The following ITGB6 variants were observed in gnomAD, a reference collection of about 807,000 sequenced individuals.
ITGB6 encodes the protein integrin subunit beta 6, also known as integrin beta-6.
Under a neutral mutation model 84.5 loss-of-function variants are expected in ITGB6, and 80 were observed. The observed-to-expected ratio is 0.95, with a 90% CI of 0.79 to 1.14. The LOEUF (loss-of-function observed/expected upper bound fraction) is 1.14, where lower values mean the gene tolerates loss of function less well. Among genes scored for constraint, ITGB6 ranks in the 50% most tolerant of loss-of-function variants. ITGB6 has a pLI of 0.00. For synonymous variants in ITGB6, 383 were observed against 354.9 expected (o/e 1.08, Z -0.89); for missense variants, 1,006 against 968.0 (o/e 1.04, Z -0.52).
chr2:160,181,577 C>T (rs774424828), intron 4 of ITGB6, among the ~76,000 whole-genome samples: 2 of 152,232 alleles, frequency 1.3e-5, no homozygotes, highest in African/African-American at 4.8e-5. Flanking sequence ...CAGACTTAAA[C>T]GTCCCTGCCT....
rs1696724308 is a variant in ITGB6 at position 160,101,674 on chromosome 2, A to G, written c.*62T>C. The G allele has an allele frequency of 1.1e-6, 1 of 947,144 alleles. No homozygotes were observed. Among genetic ancestry groups the G allele is most frequent in the South Asian group, 1.4e-5 (1 of 72,968 alleles). 58.7% of individuals were successfully genotyped at this position (947,144 alleles called of 1,614,324 possible). ...ATTTTGAAGCAACAAAGAGAAAAAAATTAAATAGTGCATTAACATTTCATA... is the reference window on the plus strand; with the variant it reads ...ATTTTGAAGCAACAAAGAGAAAAAAGTTAAATAGTGCATTAACATTTCATA... On this transcript the variant is annotated 3_prime_UTR_variant, in exon 15 of 15. Coordinates refer to ENST00000283249, the MANE Select transcript of ITGB6 (RefSeq NM_000888.5).
intron 7 of ITGB6, among the ~76,000 whole-genome samples, chr2:160,150,894 A>G (rs555661427): frequency 6.6e-6 from 1 of 152,374 alleles, no homozygotes; most frequent in South Asian, 2.1e-4. Context: ...CAATTCAACA[A>G]GAAGAGCTAA....
chr2:160,139,152 A>G (rs1293666063), intron 8 of ITGB6, among the ~76,000 whole-genome samples: 1 of 152,206 alleles, frequency 6.6e-6, no homozygotes, highest in African/African-American at 2.4e-5. Context: ...TTATAAAATG[A>G]AAGTCTGTAT....
At chr2:160,163,564 G>A (rs1441432495) in intron 7 of ITGB6, among the ~76,000 whole-genome samples, 2 of 151,826 alleles carry the variant, frequency 1.3e-5, no homozygotes, top group Non-Finnish European at 2.9e-5. Flanking sequence ...TCCAGGAGGC[G>A]AAGGTTGCAG....
intron 4 of ITGB6, among the ~76,000 whole-genome samples, chr2:160,182,108 G>A (rs778063527): frequency 4.3e-4 from 66 of 152,058 alleles, no homozygotes; most frequent in Non-Finnish European, 7.6e-4. Flanking sequence ...ACAACTCCTC[G>A]CCAGCAAGAG....
intron 13 of ITGB6, 34 bp downstream of exon 13, chr2:160,112,046 A>G: frequency 6.2e-7 from 1 of 1,607,076 alleles, no homozygotes; most frequent in Non-Finnish European, 8.5e-7. Flanking sequence ...GTGTAGTATC[A>G]TTTGCCATCG....
chr2:160,199,299 T>C, intron 1 of ITGB6, 41 bp from the exon 2 acceptor site: 1 of 1,465,054 alleles, frequency 6.8e-7, no homozygotes, highest in Non-Finnish European at 9.6e-7. Flanking sequence ...TAAGTACACT[T>C]TCAGTCATTC....
chr2:160,155,772 C>A (rs1684602275), intron 7 of ITGB6, among the ~76,000 whole-genome samples: 1 of 152,108 alleles, frequency 6.6e-6, no homozygotes, highest in Non-Finnish European at 1.5e-5. Context: ...TACATATCAA[C>A]AAGAAGAAGA....
At chr2:160,143,063 A>G (rs1313939448) in intron 7 of ITGB6, among the ~76,000 whole-genome samples, 1 of 152,176 alleles carries the variant, frequency 6.6e-6, no homozygotes, top group Non-Finnish European at 1.5e-5. Context: ...CAAGGCAGGC[A>G]GATCATTTGG....
chr2:160,101,603 G>T lies in ITGB6; in HGVS notation c.*133C>A. The T allele has an allele frequency of 1.5e-6, 1 of 663,256 alleles. No individual in the cohort carries two copies. The highest frequency in any genetic ancestry group is 1.8e-5 in the African/African-American group (1 of 54,378). The allele number at this position is 663,256 out of a possible 1,614,324, so 41.1% of individuals were successfully genotyped here. ...CAACAGTCTGTCACCTTCATGTAGA[G>T]GATGACTTATCTGCAGATGTCCTAT... On this transcript the variant is annotated 3_prime_UTR_variant, in exon 15 of 15. Coordinates refer to ENST00000283249, the MANE Select transcript of ITGB6 (RefSeq NM_000888.5).
chr2:160,183,359 A>G (rs1266874175), intron 4 of ITGB6, among the ~76,000 whole-genome samples: 1 of 152,200 alleles, frequency 6.6e-6, no homozygotes, highest in Non-Finnish European at 1.5e-5. Context: ...GATAAAACAG[A>G]CTTTAAACCA....
rs540715652 is a variant in ITGB6, at chr2:160,117,480, C to T, written c.1982-5281G>A. On this transcript the variant is annotated intron_variant, in intron 12 of 14. Coordinates refer to ENST00000283249, the MANE Select transcript of ITGB6 (RefSeq NM_000888.5). ...TTTGAAACCAGCGAGAACAAAGAAA[C>T]AACATACCAGAATCTCTGGGACACA... 2.7e-3 allele frequency among the ~76,000 whole-genome samples: 409 copies of T among 152,140 alleles called. 1 individual carries two copies. The highest frequency in any genetic ancestry group is 4.2e-3 in the Non-Finnish European group (284 of 67,992).
intron 4 of ITGB6, among the ~76,000 whole-genome samples, 163 bp downstream of exon 4, chr2:160,195,206 C>T (rs781044288): frequency 4.6e-5 from 7 of 152,208 alleles, no homozygotes; most frequent in Admixed American, 6.5e-5. Context: ...GATGACCTCA[C>T]CTCCACTCTA....
At position 160,149,345 on chromosome 2, in the gene ITGB6, A is replaced by G. The variant is rs368544053; in HGVS notation, c.1018-7274T>C. Among the ~76,000 whole-genome samples the G allele has an allele frequency of 1.0e-3, 159 of 152,286 alleles. 7 individuals are homozygous for G. The South Asian group carries it at 0.032, about 31-fold the overall frequency. Reference sequence around the variant, plus strand: ...GAGTGGAACTCCAGCAAACTCCAACACACCTGCAGCTGAGGGACATGACTG... The same window carrying G: ...GAGTGGAACTCCAGCAAACTCCAACGCACCTGCAGCTGAGGGACATGACTG... On this transcript the variant is annotated intron_variant, in intron 7 of 14. Coordinates refer to ENST00000283249, the MANE Select transcript of ITGB6 (RefSeq NM_000888.5).
At chr2:160,144,844 A>C (rs1180119330) in intron 7 of ITGB6, among the ~76,000 whole-genome samples, 2 of 152,228 alleles carry the variant, frequency 1.3e-5, no homozygotes, top group Non-Finnish European at 2.9e-5. Flanking sequence ...GCTGACTTCC[A>C]CTAGAGTGAC....
At chr2:160,180,452 T>C (rs575406245) in intron 4 of ITGB6, among the ~76,000 whole-genome samples, 7 of 152,312 alleles carry the variant, frequency 4.6e-5, no homozygotes, top group Middle Eastern at 3.4e-3. Context: ...TTTATTTTTA[T>C]TTGTATTTAA....
At chr2:160,159,920 T>C (rs553206302) in intron 7 of ITGB6, among the ~76,000 whole-genome samples, 1 of 152,310 alleles carries the variant, frequency 6.6e-6, no homozygotes, top group Admixed American at 6.5e-5. Flanking sequence ...CCCTACTAGA[T>C]TACAAGTCCA....
chr2:160,189,347 A>G (rs1686041757), intron 4 of ITGB6, among the ~76,000 whole-genome samples: 1 of 152,216 alleles, frequency 6.6e-6, no homozygotes, highest in African/African-American at 2.4e-5. Flanking sequence ...GCCAAAATTG[A>G]CAAATGGGAT....
At chr2:160,165,401 C>G (rs947509709) in intron 7 of ITGB6, among the ~76,000 whole-genome samples, 1 of 152,152 alleles carries the variant, frequency 6.6e-6, no homozygotes, top group Non-Finnish European at 1.5e-5. Flanking sequence ...TCCACTGGAG[C>G]AAAATTGTTT....
Sources: allele counts gnomAD v4.1 joint callset (sites outside exome capture counted in the v4.1 genomes callset), GRCh38; gene constraint gnomAD v4.1.1; transcripts MANE v1.5; gene names NCBI Gene and HGNC (gene_info 2026-07-23, HGNC 2026-07-21).